The following ROR1 variants were observed in gnomAD, a reference collection of about 807,000 sequenced individuals.
The protein encoded by ROR1 is ROR family WNT receptor 1, also known as inactive tyrosine-protein kinase transmembrane receptor ROR1.
In ROR1, 19 loss-of-function variants were observed where a neutral mutation model predicts 78.8. The ratio of observed to expected loss-of-function variants is 0.24; its 90% confidence interval spans 0.17 to 0.35. The LOEUF is 0.35. ROR1 is among the 10% of genes least tolerant of loss of function. The pLI is 1.00. For missense variants in ROR1, 917 were observed against 1,177.8 expected, an observed-to-expected ratio of 0.78 and a Z score of 3.24; for synonymous variants, 386 against 433.6, an observed-to-expected ratio of 0.89 and a Z score of 1.36.
intron 1 of ROR1, among the ~76,000 whole-genome samples, chr1:63,925,263 G>A (rs1485941524): frequency 2.0e-5 from 3 of 150,358 alleles, no homozygotes; most frequent in African/African-American, 4.9e-5. Flanking sequence ...AATATGCGGT[G>A]TCTGGTTTTT....
chr1:63,993,535 C>G (rs1646313262), intron 1 of ROR1, among the ~76,000 whole-genome samples: 3 of 152,222 alleles, frequency 2.0e-5, no homozygotes, highest in African/African-American at 7.2e-5. Flanking sequence ...ATACATAATG[C>G]ATATTATACA....
At chr1:64,092,091 TCTTC>T (rs1647202814) in intron 4 of ROR1, among the ~76,000 whole-genome samples, 1 of 122,244 alleles carries the variant, frequency 8.2e-6, no homozygotes. Context: ...GAGATGTAAT[TCTTC>T]CCTCCCTCCC....
chr1:63,782,376 A>T (rs1261983172), intron 1 of ROR1, among the ~76,000 whole-genome samples: 8 of 152,106 alleles, frequency 5.3e-5, no homozygotes, highest in Admixed American at 3.3e-4. Flanking sequence ...CAGAATCGGT[A>T]TGATCCTTCT....
At chr1:63,781,580 T>A (rs926533056) in intron 1 of ROR1, among the ~76,000 whole-genome samples, 1 of 152,182 alleles carries the variant, frequency 6.6e-6, no homozygotes, top group African/African-American at 2.4e-5. Flanking sequence ...GAAAAAATGC[T>A]GTGGGAACAT....
chr1:64,171,042 T>G (rs2100740548), intron 8 of ROR1, among the ~76,000 whole-genome samples: 1 of 152,324 alleles, frequency 6.6e-6, no homozygotes. Context: ...CTCCAAACTG[T>G]TCCAACCTCT....
chr1:64,171,488 C>A (rs540656202), intron 8 of ROR1, among the ~76,000 whole-genome samples: 5 of 152,150 alleles, frequency 3.3e-5, no homozygotes, highest in African/African-American at 1.2e-4. Flanking sequence ...ATGAGGCAAG[C>A]ACAAATGCCA....
intron 2 of ROR1, among the ~76,000 whole-genome samples, chr1:64,041,639 C>T (rs1429686531): frequency 6.6e-6 from 1 of 152,110 alleles, no homozygotes; most frequent in Non-Finnish European, 1.5e-5. Context: ...TGTTCTCTCC[C>T]CAAAAAGGAG....
intron 1 of ROR1, among the ~76,000 whole-genome samples, chr1:63,961,880 G>A (rs191220742): frequency 3.3e-5 from 5 of 152,268 alleles, no homozygotes. Flanking sequence ...AAATGTTTAA[G>A]ATGATGGATA....
chr1:64,065,597 A>G (rs1646950108), intron 4 of ROR1, among the ~76,000 whole-genome samples: 1 of 152,182 alleles, frequency 6.6e-6, no homozygotes, highest in Admixed American at 6.5e-5. Context: ...TTACTGGCAT[A>G]CATGTGCAGA....
At chr1:63,796,117 T>A (rs1364685182) in intron 1 of ROR1, among the ~76,000 whole-genome samples, 1 of 152,182 alleles carries the variant, frequency 6.6e-6, no homozygotes, top group Non-Finnish European at 1.5e-5. Flanking sequence ...TAGTATTGTC[T>A]TATATGGGAA....
At chr1:63,958,693 G>T (rs977721626) in intron 1 of ROR1, among the ~76,000 whole-genome samples, 2 of 152,124 alleles carry the variant, frequency 1.3e-5, no homozygotes, top group African/African-American at 4.8e-5. Flanking sequence ...ATATCTTTCT[G>T]CTACACCTAT....
At position 63,774,295 on chromosome 1, in the gene ROR1, C is replaced by T; in HGVS notation, c.-123C>T. 1 of 477,806 alleles carries T rather than the reference C, an allele frequency of 2.1e-6. No homozygotes were observed. The allele number at this position is 477,806 out of a possible 1,614,324, so 29.6% of individuals were successfully genotyped here. ...TTAGAGGGACAAAGAGCTTTGCAGA[C>T]GTCCCCGGCGTCCTGCGAGCGCCAG... On this transcript the variant is annotated 5_prime_UTR_variant, in exon 1 of 9. The change creates a new upstream start codon in the 5' untranslated region. Transcript: ENST00000371079. This position sits in a 1 kb window ranked among gnomAD's most constrained non-coding sequence, Gnocchi z 5.7.
At chr1:64,173,773 C>A (rs1477880131) in intron 8 of ROR1, among the ~76,000 whole-genome samples, 7 of 152,190 alleles carry the variant, frequency 4.6e-5, no homozygotes, top group African/African-American at 1.7e-4. Context: ...AGGGCTGATG[C>A]CAAGGTCCTG....
At chr1:63,940,338 T>G (rs573437165) in intron 1 of ROR1, among the ~76,000 whole-genome samples, 1 of 152,278 alleles carries the variant, frequency 6.6e-6, no homozygotes, top group East Asian at 1.9e-4. Flanking sequence ...GAAACCAGCT[T>G]GAAGGTCTTC....
At chr1:63,833,147 A>G (rs946182592) in intron 1 of ROR1, among the ~76,000 whole-genome samples, 1 of 152,222 alleles carries the variant, frequency 6.6e-6, no homozygotes, top group Non-Finnish European at 1.5e-5. Flanking sequence ...GACTCTGTCT[A>G]ACACAATTCC....
intron 4 of ROR1, among the ~76,000 whole-genome samples, chr1:64,134,519 G>A (rs549899775): frequency 1.3e-5 from 2 of 152,146 alleles, no homozygotes; most frequent in South Asian, 4.2e-4. Flanking sequence ...GCTCATCAGG[G>A]GCTGCTTTGA....
intron 2 of ROR1, among the ~76,000 whole-genome samples, chr1:64,045,602 A>G (rs1018297390): frequency 6.6e-6 from 1 of 152,044 alleles, no homozygotes; most frequent in Non-Finnish European, 1.5e-5. Context: ...TCTCACTTCT[A>G]CTTACTGTCT....
chr1:64,027,409 C>T (rs1646621078), intron 2 of ROR1, among the ~76,000 whole-genome samples: 1 of 152,182 alleles, frequency 6.6e-6, no homozygotes, highest in Admixed American at 6.5e-5. Context: ...TCTGCTGCTC[C>T]ATAACATCAA....
intron 1 of ROR1, among the ~76,000 whole-genome samples, chr1:63,907,245 C>T (rs1029256849): frequency 4.6e-5 from 7 of 152,118 alleles, no homozygotes; most frequent in South Asian, 4.1e-4. Flanking sequence ...GGGAGCAGCA[C>T]GTTGGACAGG....
Sources: allele counts gnomAD v4.1 joint callset (sites outside exome capture counted in the v4.1 genomes callset), GRCh38; gene constraint gnomAD v4.1.1; non-coding constraint Gnocchi (gnomAD v3.1); transcripts MANE v1.5; gene names NCBI Gene and HGNC (gene_info 2026-07-23, HGNC 2026-07-21).